PHLDB2: variants seen among roughly 807,000 people sequenced by gnomAD.
PHLDB2 encodes the protein pleckstrin homology-like domain family B member 2.
Under a neutral mutation model 123.6 loss-of-function variants are expected in PHLDB2, and 71 were observed. The observed-to-expected ratio is 0.57, with a 90% CI of 0.47 to 0.70. The LOEUF (loss-of-function observed/expected upper bound fraction) is 0.70, where lower values mean the gene tolerates loss of function less well. Ranked by LOEUF, PHLDB2 falls within the 30% of genes least tolerant of loss-of-function variation. The pLI, the probability that PHLDB2 is intolerant of heterozygous loss-of-function variation, is 0.00. For synonymous variants in PHLDB2, 547 were observed against 541.6 expected, an observed-to-expected ratio of 1.01 and a Z score of -0.14; for missense variants, 1,446 against 1,519.5, an observed-to-expected ratio of 0.95 and a Z score of 0.80.
chr3:111,868,128 C>G (rs1027438508), intron 1 of PHLDB2, among the ~76,000 whole-genome samples: 1 of 152,004 alleles, frequency 6.6e-6, no homozygotes, highest in African/African-American at 2.4e-5. Context: ...ACCTCTGCCT[C>G]TCCGCCTCTG....
chr3:111,792,025 C>T (rs537640383), intron 1 of PHLDB2, among the ~76,000 whole-genome samples: 3 of 152,348 alleles, frequency 2.0e-5, no homozygotes, highest in South Asian at 2.1e-4. Context: ...CTCCTCTCTA[C>T]TTCCATGAGA....
intron 12 of PHLDB2, chr3:111,960,119 A>C: frequency 1.3e-6 from 1 of 790,196 alleles, no homozygotes; most frequent in African/African-American, 1.9e-5. Flanking sequence ...CATTTGCATA[A>C]TAAATAATTG....
At chr3:111,908,555 G>A (rs977929196) in intron 2 of PHLDB2, among the ~76,000 whole-genome samples, 3 of 152,190 alleles carry the variant, frequency 2.0e-5, no homozygotes, top group South Asian at 2.1e-4. Context: ...TTAGAGCAAG[G>A]CATGTGATGA....
At chr3:111,771,016 G>C (rs1559822383) in intron 1 of PHLDB2, among the ~76,000 whole-genome samples, 1 of 152,188 alleles carries the variant, frequency 6.6e-6, no homozygotes, top group African/African-American at 2.4e-5. Flanking sequence ...CCAAGGCTCT[G>C]CACACACCAT....
At chr3:111,771,984 T>G (rs1490439308) in intron 1 of PHLDB2, among the ~76,000 whole-genome samples, 1 of 152,236 alleles carries the variant, frequency 6.6e-6, no homozygotes, top group Non-Finnish European at 1.5e-5. Context: ...TAAAGTTCAA[T>G]TTTTTCTTGT....
intron 1 of PHLDB2, among the ~76,000 whole-genome samples, chr3:111,836,273 C>T (rs893484967): frequency 7.2e-5 from 11 of 152,156 alleles, no homozygotes; most frequent in Non-Finnish European, 1.6e-4. Context: ...GAATAAGAAG[C>T]CCTGTTCACC....
rs574245582 is a variant in PHLDB2, at chr3:111,939,229, A to C, written c.2131-246A>C. On this transcript the variant is annotated intron_variant, in intron 6 of 17. Coordinates refer to ENST00000431670, the MANE Select transcript of PHLDB2 (RefSeq NM_001134438.2). ...TTTTAAAGCCACCCAGTGTGGGTTT[A>C]ACGCAAGAATTCTTACCTCCACAGA... is the stretch of plus-strand genomic sequence containing the variant. Among the ~76,000 whole-genome samples, 4 of 152,194 alleles carry C rather than the reference A, an allele frequency of 2.6e-5. No individual in the cohort carries two copies. The South Asian group carries it at 8.3e-4, about 32-fold the overall frequency.
chr3:111,862,771 G>A (rs924436458), intron 1 of PHLDB2, among the ~76,000 whole-genome samples: 3 of 152,166 alleles, frequency 2.0e-5, no homozygotes, highest in Admixed American at 6.5e-5. Flanking sequence ...AGGAACTTGT[G>A]TTCATTGACA....
At chr3:111,897,742 A>T (rs2066955844) in intron 2 of PHLDB2, among the ~76,000 whole-genome samples, 1 of 152,230 alleles carries the variant, frequency 6.6e-6, no homozygotes, top group Admixed American at 6.5e-5. Flanking sequence ...CATCTTTTCC[A>T]TCAGATCACG....
chr3:111,872,987 T>G (rs1482682578), intron 1 of PHLDB2, among the ~76,000 whole-genome samples: 1 of 152,148 alleles, frequency 6.6e-6, no homozygotes, highest in Non-Finnish European at 1.5e-5. Flanking sequence ...ACCAATAAGC[T>G]TGAACTAAAA....
chr3:111,937,299 A>G (rs1015067954), intron 6 of PHLDB2, among the ~76,000 whole-genome samples: 19 of 152,152 alleles, frequency 1.2e-4, no homozygotes, highest in Non-Finnish European at 2.4e-4. Flanking sequence ...CAGAGTGGGG[A>G]TGGGGTTGAA....
intron 11 of PHLDB2, 72 bp from the exon 12 acceptor site, chr3:111,953,858 G>C (rs934236746): frequency 8.5e-7 from 1 of 1,172,294 alleles, no homozygotes; most frequent in Non-Finnish European, 1.2e-6. Flanking sequence ...TTTGGAAACA[G>C]GGATGTGGCC....
At chr3:111,809,169 G>A (rs1426845405) in intron 1 of PHLDB2, among the ~76,000 whole-genome samples, 4 of 152,160 alleles carry the variant, frequency 2.6e-5, no homozygotes, top group Non-Finnish European at 1.5e-5. Flanking sequence ...ACTGTAACAT[G>A]ACATTAATCA....
At chr3:111,905,731 T>C (rs1175657336) in intron 2 of PHLDB2, among the ~76,000 whole-genome samples, 1 of 152,218 alleles carries the variant, frequency 6.6e-6, no homozygotes, top group Non-Finnish European at 1.5e-5. Context: ...TTGCTGTAGG[T>C]TTGTTTATAT....
intron 1 of PHLDB2, among the ~76,000 whole-genome samples, chr3:111,768,475 T>C (rs1473466958): frequency 6.6e-6 from 1 of 152,178 alleles, no homozygotes; most frequent in Non-Finnish European, 1.5e-5. Flanking sequence ...GCTAAAACTA[T>C]GGCCTGCAGA....
At chr3:111,810,102 G>A (rs1052919354) in intron 1 of PHLDB2, among the ~76,000 whole-genome samples, 2 of 152,032 alleles carry the variant, frequency 1.3e-5, no homozygotes, top group Non-Finnish European at 2.9e-5. Context: ...ACACCAGTAG[G>A]GCATCACTCT....
upstream of PHLDB2, among the ~76,000 whole-genome samples, chr3:111,856,572 A>G (rs1374752475): frequency 6.6e-6 from 1 of 152,226 alleles, no homozygotes; most frequent in Non-Finnish European, 1.5e-5. Context: ...TTGGCAATCT[A>G]ATTATGGCCA....
At chr3:111,937,640 G>T (rs758024358) in intron 6 of PHLDB2, among the ~76,000 whole-genome samples, 7 of 152,024 alleles carry the variant, frequency 4.6e-5, no homozygotes, top group African/African-American at 9.7e-5. Flanking sequence ...GCCAGGCATG[G>T]TGGTGTGCAC....
At chr3:111,839,590 C>T (rs2063575762) in intron 1 of PHLDB2, among the ~76,000 whole-genome samples, 1 of 152,172 alleles carries the variant, frequency 6.6e-6, no homozygotes, top group South Asian at 2.1e-4. Context: ...CTCAGATTCT[C>T]TGGGTAAACT....
Sources: allele counts gnomAD v4.1 joint callset (sites outside exome capture counted in the v4.1 genomes callset), GRCh38; gene constraint gnomAD v4.1.1; transcripts MANE v1.5; gene names NCBI Gene and HGNC (gene_info 2026-07-23, HGNC 2026-07-21).